PARP8: variants seen among roughly 807,000 people sequenced by gnomAD.
PARP8 encodes the protein poly(ADP-ribose) polymerase family member 8.
Under a neutral mutation model 124.1 loss-of-function variants are expected in PARP8, and 51 were observed. The ratio of observed to expected loss-of-function variants is 0.41; its 90% CI spans 0.33 to 0.52. The LOEUF is 0.52. Ranked by LOEUF, PARP8 falls within the 20% of genes least tolerant of loss-of-function variation. PARP8 has a pLI of 0.21. For missense variants in PARP8, 860 were observed against 1,018.9 expected (o/e 0.84, Z 2.12); for synonymous variants, 391 against 361.5 (o/e 1.08, Z -0.93).
chr5:50,784,511 A>G (rs780931319), intron 9 of PARP8, among the ~76,000 whole-genome samples: 13 of 152,146 alleles, frequency 8.5e-5, no homozygotes, highest in African/African-American at 3.1e-4. Context: ...ATTTCTGTGC[A>G]TATCATCTCA....
At chr5:50,735,772 T>G (rs1757406433) in intron 2 of PARP8, among the ~76,000 whole-genome samples, 1 of 151,978 alleles carries the variant, frequency 6.6e-6, no homozygotes, top group African/African-American at 2.4e-5. Flanking sequence ...AATCTGATAT[T>G]CATCCAAATT....
rs181298426 is a variant in PARP8, at chr5:50,772,841, C to T, written c.519-5228C>T. The stretch of plus-strand genomic sequence containing the variant: ...CCTCCTGAGTAGCTGGGGCTACAGG[C>T]GTGTGCCACCACACCTGGCTAATTT... On this transcript the variant is annotated intron_variant, in intron 7 of 25. Transcript: ENST00000281631. Among the ~76,000 whole-genome samples the T allele has an allele frequency of 3.4e-3, 524 of 152,190 alleles. 1 individual carries two copies. The highest frequency in any genetic ancestry group is 5.6e-3 in the Non-Finnish European group (383 of 67,998).
upstream of PARP8, chr5:50,666,148 A>G (rs182740008): frequency 6.6e-6 from 1 of 152,358 alleles, no homozygotes; most frequent in African/African-American, 2.4e-5. Flanking sequence ...AACTACTTCG[A>G]TCTGGAGGAA....
chr5:50,755,631 C>T (rs1446798901), intron 3 of PARP8, among the ~76,000 whole-genome samples: 1 of 152,068 alleles, frequency 6.6e-6, no homozygotes, highest in Non-Finnish European at 1.5e-5. Context: ...TCCAGCTTTG[C>T]TCTTTTTGCT....
At chr5:50,737,188 C>T (rs893914131) in intron 2 of PARP8, among the ~76,000 whole-genome samples, 3 of 152,092 alleles carry the variant, frequency 2.0e-5, no homozygotes, top group African/African-American at 7.2e-5. Context: ...GTTCTTAGGC[C>T]AGTTTTCTTG....
At chr5:50,751,175 G>A (rs1267179363) in intron 3 of PARP8, among the ~76,000 whole-genome samples, 1 of 152,132 alleles carries the variant, frequency 6.6e-6, no homozygotes, top group Non-Finnish European at 1.5e-5. Flanking sequence ...TTAATCTGTA[G>A]CACAGGATGT....
rs779596345 is a variant in PARP8 at position 50,797,132 on chromosome 5, A to T, written c.1480-6A>T. 8 of 1,612,504 alleles carry T rather than the reference A, an allele frequency of 5.0e-6. No individual in the cohort carries two copies. ...CTTAATTATTTTTCCTTACTGTTTT[A>T]TTCAGACAATTGAGTTTGCTGAACA... On this transcript the variant is annotated splice_polypyrimidine_tract_variant and splice_region_variant and intron_variant, in intron 13 of 25. Transcript: ENST00000281631.
rs1009758657 is a variant in PARP8, at chr5:50,687,075, A to G, written c.146+18950A>G. Among the ~76,000 whole-genome samples the G allele has an allele frequency of 1.3e-4, 20 of 152,218 alleles. 1 individual carries two copies. The highest frequency in any genetic ancestry group is 4.8e-4 in the African/African-American group (20 of 41,536). On this transcript the variant is annotated intron_variant, in intron 2 of 25. Coordinates refer to ENST00000281631, the MANE Select transcript of PARP8 (RefSeq NM_024615.4). The stretch of plus-strand genomic sequence containing the variant: ...AGAAAATGGGTTTTTCTTTTCTATC[A>G]CATTGTCAGGCAGCAAATTTTCTGA...
At chr5:50,669,227 T>G (rs1749719264) in intron 2 of PARP8, 1 of 152,204 alleles carries the variant, frequency 6.6e-6, no homozygotes, top group African/African-American at 2.4e-5. Context: ...AGTGTATACT[T>G]TTTGGGAGAG....
At chr5:50,753,701 T>C (rs994788061) in intron 3 of PARP8, among the ~76,000 whole-genome samples, 2 of 152,028 alleles carry the variant, frequency 1.3e-5, no homozygotes, top group African/African-American at 2.4e-5. Flanking sequence ...GGTGAAATTA[T>C]GTAGAAAATT....
chr5:50,804,016 T>G (rs1001992282), intron 14 of PARP8, among the ~76,000 whole-genome samples: 4 of 152,174 alleles, frequency 2.6e-5, no homozygotes, highest in African/African-American at 9.7e-5. Flanking sequence ...ATTTAAGGCC[T>G]TCTAAAGTCT....
intron 2 of PARP8, among the ~76,000 whole-genome samples, chr5:50,671,634 A>G (rs1750029988): frequency 1.3e-5 from 2 of 152,148 alleles, no homozygotes; most frequent in African/African-American, 4.8e-5. Context: ...GTCTATATAC[A>G]TATAAAATAT....
intron 2 of PARP8, among the ~76,000 whole-genome samples, chr5:50,708,873 C>T (rs779320797): frequency 1.5e-4 from 23 of 152,128 alleles, no homozygotes; most frequent in Non-Finnish European, 2.9e-4. Flanking sequence ...CTTCAAACTC[C>T]TGGGCTCAAG....
chr5:50,667,628 C>G, intron 1 of PARP8: 1 of 699,100 alleles, frequency 1.4e-6, no homozygotes, highest in Non-Finnish European at 2.6e-6. Flanking sequence ...GCCGAGGACC[C>G]CCGGGGGGCA....
chr5:50,725,513 G>T (rs753036138), intron 2 of PARP8, among the ~76,000 whole-genome samples: 1 of 152,060 alleles, frequency 6.6e-6, no homozygotes, highest in African/African-American at 2.4e-5. Flanking sequence ...GAAAATATTG[G>T]CTAAATATTG....
At position 50,759,622 on chromosome 5, in the gene PARP8, CT is replaced by C. The variant is rs4029424; in HGVS notation, c.185-5del. ...TTTTTAAACTTATGCCTTTCATTATCTTTTTTTTTTTTTTTTGCAGATAATA... is the reference window on the plus strand; with the variant it reads ...TTTTTAAACTTATGCCTTTCATTATCTTTTTTTTTTTTTTTGCAGATAATA... On this transcript the variant is annotated intron_variant, in intron 3 of 25. Coordinates refer to ENST00000281631, the MANE Select transcript of PARP8 (RefSeq NM_024615.4). The C allele has an allele frequency of 0.026, 33,765 of 1,299,166 alleles. 1 individual carries two copies. Among genetic ancestry groups the C allele is most frequent in the South Asian group, 0.057 (3,236 of 56,322 alleles). The allele number at this position is 1,299,166 out of a possible 1,614,324, so 80.5% of individuals were successfully genotyped here.
In PARP8 at chr5:50,770,756, G is replaced by A. The variant is rs573748752; in HGVS notation, c.519-7313G>A. Among the ~76,000 whole-genome samples the A allele has an allele frequency of 1.1e-3, 167 of 152,006 alleles. 1 individual carries two copies. Among genetic ancestry groups the A allele is most frequent in the African/African-American group, 3.9e-3 (161 of 41,468 alleles). The stretch of plus-strand genomic sequence containing the variant: ...AAGAAAGAGAAAGAAAAGAAAAGAT[G>A]GATGCGGCAGAGACTGTATGTAGCC... On this transcript the variant is annotated intron_variant, in intron 7 of 25. Transcript: ENST00000281631.
intron 7 of PARP8, among the ~76,000 whole-genome samples, chr5:50,774,597 A>G (rs1193320553): frequency 2.5e-4 from 24 of 96,974 alleles, no homozygotes; most frequent in African/African-American, 4.0e-4. Flanking sequence ...CCTCCCAGAC[A>G]GGGCGGCCGG....
At chr5:50,793,719 C>A (rs976904395) in intron 10 of PARP8, among the ~76,000 whole-genome samples, 4 of 152,072 alleles carry the variant, frequency 2.6e-5, no homozygotes, top group Non-Finnish European at 4.4e-5. Context: ...CTTTCCTTTT[C>A]ATGAAGAAGA....
Sources: allele counts gnomAD v4.1 joint callset (sites outside exome capture counted in the v4.1 genomes callset), GRCh38; gene constraint gnomAD v4.1.1; transcripts MANE v1.5; gene names NCBI Gene and HGNC (gene_info 2026-07-23, HGNC 2026-07-21).